The following ARHGAP39 variants were observed in gnomAD, a reference collection of about 807,000 sequenced individuals.
ARHGAP39 encodes the protein Rho GTPase activating protein 39, also known as rho GTPase-activating protein 39.
In ARHGAP39, 44 loss-of-function variants were observed where a neutral mutation model predicts 106.9. The ratio of observed to expected loss-of-function variants is 0.41; its 90% CI spans 0.32 to 0.53. The LOEUF (loss-of-function observed/expected upper bound fraction) is 0.53. Ranked by LOEUF, ARHGAP39 falls within the 20% of genes least tolerant of loss-of-function variation. The pLI, the probability that ARHGAP39 is intolerant of heterozygous loss-of-function variation, is 0.21. For synonymous variants in ARHGAP39, 768 were observed against 693.2 expected, an observed-to-expected ratio of 1.11 and a Z score of -1.69; for missense variants, 1,496 against 1,577.3, an observed-to-expected ratio of 0.95 and a Z score of 0.87.
chr8:144,593,982 G>A (rs926629625), intron 2 of ARHGAP39, among the ~76,000 whole-genome samples: 8 of 151,610 alleles, frequency 5.3e-5, no homozygotes, highest in Non-Finnish European at 1.0e-4. Context: ...CCAGCTACTC[G>A]GCAGGCTGAG....
rs960984322 is a variant in ARHGAP39 at position 144,641,205 on chromosome 8, G to A, written c.-81-35510C>T. Among the ~76,000 whole-genome samples the A allele has an allele frequency of 6.6e-6, 1 of 152,044 alleles. No homozygotes were observed. The highest frequency in any genetic ancestry group is 2.4e-5 in the African/African-American group (1 of 41,382). On this transcript the variant is annotated intron_variant, in intron 1 of 11. Transcript: ENST00000377307. The surrounding 1 kb of genome is among the most constrained non-coding windows in gnomAD (Gnocchi z 5.2). ...GACCACACCGGCTTCTGGTTCTCAG[G>A]TTCTAGTCTATGACATCTGGGACCC...
At position 144,530,488 on chromosome 8, in the gene ARHGAP39, C is replaced by T. The variant is rs754129113; in HGVS notation, c.3279G>A (p.Lys1093=). 2 of 1,611,890 alleles carry T rather than the reference C, an allele frequency of 1.2e-6. No individual in the cohort carries two copies. Among genetic ancestry groups the T allele is most frequent in the Non-Finnish European group, 1.7e-6 (2 of 1,179,588 alleles). ...TGAGCACCCGCAGGAAGGACATCTC[C>T]TTGCGGGTGTTCTCGAAGATGACGC... The part of the protein sequence containing the change: ...DPRVIFENTR[K]EMSFLRVLIQ... The change falls in exon 12 of 12, where the codon AAG becomes AAA. Residue 1093 remains lysine, a synonymous_variant. Transcript: ENST00000377307.
intron 1 of ARHGAP39, among the ~76,000 whole-genome samples, chr8:144,657,563 C>T (rs1388081135): frequency 6.6e-6 from 1 of 152,162 alleles, no homozygotes; most frequent in East Asian, 1.9e-4. Context: ...ACCAATATCC[C>T]TATGACCACA....
chr8:144,587,104 T>C (rs1213775885), intron 2 of ARHGAP39, among the ~76,000 whole-genome samples: 11 of 152,230 alleles, frequency 7.2e-5, no homozygotes, highest in Admixed American at 7.2e-4. Flanking sequence ...AAGGACTTGT[T>C]TCATCCCCTT....
At chr8:144,663,259 A>G (rs566058240) in intron 1 of ARHGAP39, among the ~76,000 whole-genome samples, 9 of 152,254 alleles carry the variant, frequency 5.9e-5, no homozygotes, top group African/African-American at 1.9e-4. Flanking sequence ...TTTAAAAAAA[A>G]GGTTTATTTG....
intron 1 of ARHGAP39, among the ~76,000 whole-genome samples, chr8:144,675,735 G>A (rs767579959): frequency 1.1e-4 from 17 of 151,024 alleles, no homozygotes; most frequent in African/African-American, 2.9e-4. Flanking sequence ...AAGACGGTGC[G>A]TCTGGAGTTG....
chr8:144,554,889 G>A (rs1817858503), intron 4 of ARHGAP39, among the ~76,000 whole-genome samples: 1 of 152,184 alleles, frequency 6.6e-6, no homozygotes, highest in African/African-American at 2.4e-5. Flanking sequence ...GCCCCCTCGG[G>A]TCCTCCAGTT....
At chr8:144,672,115 C>T (rs1822116304) in intron 1 of ARHGAP39, among the ~76,000 whole-genome samples, 1 of 152,220 alleles carries the variant, frequency 6.6e-6, no homozygotes, top group Admixed American at 6.5e-5. Context: ...CCACAGCACG[C>T]CTGAATTCTG....
upstream of ARHGAP39, among the ~76,000 whole-genome samples, chr8:144,689,455 G>C (rs1382201193): frequency 3.2e-4 from 5 of 15,608 alleles, no homozygotes; most frequent in East Asian, 6.4e-3. Context: ...TTTTTTTTTT[G>C]AAAAGGAGTC....
Position 144,548,087 on chromosome 8 carries a change from T to A in ARHGAP39, c.999A>T (p.Gln333His). Residue 333 changes from glutamine (Q) to histidine (H), a missense_variant, in exon 5 of 12, where the codon CAA becomes CAT. Transcript: ENST00000377307. This position sits in a 1 kb window ranked among gnomAD's most constrained non-coding sequence, Gnocchi z 7.4. Reference sequence around the variant, plus strand: ...CCTGGTAGCCCCCGCCAGCCTCGAATTGCACGTCCATGGGGGGCTCATCGT... The same window carrying A: ...CCTGGTAGCCCCCGCCAGCCTCGAAATGCACGTCCATGGGGGGCTCATCGT... ...PIYDEPPMDV[Q>H]FEAGGGYQAG... 2 of 1,594,482 alleles carry A rather than the reference T, an allele frequency of 1.3e-6. No individual in the cohort carries two copies. The highest frequency in any genetic ancestry group is 1.7e-6 in the Non-Finnish European group (2 of 1,171,092).
intron 1 of ARHGAP39, among the ~76,000 whole-genome samples, chr8:144,611,799 TGAGGCCA>T (rs377376536): frequency 1.9e-3 from 286 of 152,124 alleles, no homozygotes; most frequent in African/African-American, 6.3e-3. Context: ...GAGGATCCCT[TGAGGCCA>T]GGAGTTCAAG....
At chr8:144,535,179 C>A (rs1391020371) in intron 7 of ARHGAP39, among the ~76,000 whole-genome samples, 1 of 152,140 alleles carries the variant, frequency 6.6e-6, no homozygotes, top group Non-Finnish European at 1.5e-5. Context: ...TTTGAAGGAG[C>A]AGTTTCTGGT....
rs1394463381 is a variant in ARHGAP39, at chr8:144,671,320, G to GT, written c.-82+14365dup. On this transcript the variant is annotated intron_variant, in intron 1 of 11. Transcript: ENST00000377307. The surrounding 1 kb of genome is among the most constrained non-coding windows in gnomAD (Gnocchi z 4.5). ...GGTCAAGGGTGGATAATAACTTCAC[G>GT]TAAGTTCTGATGTTTTCCGCAAAAG... is the stretch of plus-strand genomic sequence containing the variant. Among the ~76,000 whole-genome samples the GT allele has an allele frequency of 6.6e-6, 1 of 152,216 alleles. No individual in the cohort carries two copies. Among genetic ancestry groups the GT allele is most frequent in the East Asian group, 1.9e-4 (1 of 5,198 alleles).
At chr8:144,631,390 T>C (rs1274832983) in intron 1 of ARHGAP39, among the ~76,000 whole-genome samples, 1 of 152,236 alleles carries the variant, frequency 6.6e-6, no homozygotes. Flanking sequence ...CTTCCAACCC[T>C]CGAGTTCTCA....
chr8:144,631,635 G>C (rs1563716605), intron 1 of ARHGAP39, among the ~76,000 whole-genome samples: 2 of 152,236 alleles, frequency 1.3e-5, no homozygotes, highest in Non-Finnish European at 2.9e-5. Flanking sequence ...GGCCAAGTCA[G>C]TGCAGTGCAG....
intron 4 of ARHGAP39, among the ~76,000 whole-genome samples, chr8:144,554,171 T>C (rs561647712): frequency 1.3e-5 from 2 of 152,320 alleles, no homozygotes; most frequent in East Asian, 3.9e-4. Context: ...AGGAGGATCC[T>C]TGGACCTTCG....
intron 3 of ARHGAP39, among the ~76,000 whole-genome samples, chr8:144,568,873 G>GA (rs111230522): frequency 4.1e-5 from 6 of 146,690 alleles, no homozygotes; most frequent in South Asian, 2.2e-4. Context: ...AGTGCAGAAG[G>GA]AAAAAAAAAA....
chr8:144,633,570 G>C (rs984684182), intron 1 of ARHGAP39, among the ~76,000 whole-genome samples: 2 of 152,240 alleles, frequency 1.3e-5, no homozygotes, highest in Non-Finnish European at 2.9e-5. Flanking sequence ...CTAATTCAAA[G>C]CTAAATGCTT....
intron 1 of ARHGAP39, among the ~76,000 whole-genome samples, chr8:144,637,689 C>CT (rs1181323514): frequency 3.3e-5 from 5 of 151,948 alleles, no homozygotes; most frequent in Non-Finnish European, 1.5e-5. Flanking sequence ...CTAACCATTT[C>CT]TTTTTGCATC....
Sources: allele counts gnomAD v4.1 joint callset (sites outside exome capture counted in the v4.1 genomes callset), GRCh38; gene constraint gnomAD v4.1.1; non-coding constraint Gnocchi (gnomAD v3.1); transcripts MANE v1.5; gene names NCBI Gene and HGNC (gene_info 2026-07-23, HGNC 2026-07-21).